The following SORCS3 variants were observed in gnomAD, a reference collection of about 807,000 sequenced individuals.
SORCS3 encodes sortilin related VPS10 domain containing receptor 3.
In SORCS3, 57 loss-of-function variants were observed where a neutral mutation model predicts 146.3. The ratio of observed to expected loss-of-function variants is 0.39; its 90% CI spans 0.31 to 0.49. The LOEUF (loss-of-function observed/expected upper bound fraction) is 0.49. Among genes scored for constraint, SORCS3 ranks in the 20% least tolerant of loss-of-function variants. SORCS3 has a pLI of 0.92. For missense variants in SORCS3, 1,341 were observed against 1,575.5 expected (o/e 0.85, Z 2.52); for synonymous variants, 653 against 618.5 (o/e 1.06, Z -0.83).
At chr10:104,939,115 T>A (rs916327844) in intron 3 of SORCS3, among the ~76,000 whole-genome samples, 1 of 152,194 alleles carries the variant, frequency 6.6e-6, no homozygotes, top group African/African-American at 2.4e-5. Context: ...GTTATACTCT[T>A]CCTCTAGCAC....
At chr10:105,106,849 T>G (rs1029630552) in intron 7 of SORCS3, among the ~76,000 whole-genome samples, 1 of 152,188 alleles carries the variant, frequency 6.6e-6, no homozygotes, top group Non-Finnish European at 1.5e-5. Flanking sequence ...TCTCATTCTC[T>G]TATTCGTAAG....
intron 4 of SORCS3, among the ~76,000 whole-genome samples, chr10:105,023,091 A>T (rs2055207503): frequency 6.6e-6 from 1 of 152,158 alleles, no homozygotes. Flanking sequence ...TTCTGATAGG[A>T]GAATGTGGCT....
chr10:104,855,653 G>T (rs2018322267), intron 2 of SORCS3, among the ~76,000 whole-genome samples: 1 of 152,070 alleles, frequency 6.6e-6, no homozygotes, highest in Non-Finnish European at 1.5e-5. Context: ...AAATGGGATT[G>T]TCTTTTGTGT....
At chr10:105,042,322 C>G (rs1359461479) in intron 4 of SORCS3, among the ~76,000 whole-genome samples, 1 of 152,178 alleles carries the variant, frequency 6.6e-6, no homozygotes, top group Non-Finnish European at 1.5e-5. Context: ...TCCTACCTTC[C>G]TTTCAGGATT....
chr10:104,963,587 A>G (rs781305291), intron 3 of SORCS3, among the ~76,000 whole-genome samples: 4 of 152,194 alleles, frequency 2.6e-5, no homozygotes, highest in Non-Finnish European at 5.9e-5. Flanking sequence ...TGTCATGGTT[A>G]TCTCCAGATT....
intron 7 of SORCS3, among the ~76,000 whole-genome samples, chr10:105,125,250 C>T (rs992520301): frequency 6.6e-6 from 1 of 152,106 alleles, no homozygotes; most frequent in Non-Finnish European, 1.5e-5. Context: ...GGCTAATTTT[C>T]TTTATTATTG....
At chr10:105,055,579 C>T (rs528943988) in intron 5 of SORCS3, among the ~76,000 whole-genome samples, 82 of 152,158 alleles carry the variant, frequency 5.4e-4, no homozygotes, top group African/African-American at 1.9e-3. Context: ...TTAACAAATA[C>T]CAGCTATAAA....
chr10:104,716,144 C>T (rs899543043), intron 1 of SORCS3, among the ~76,000 whole-genome samples: 5 of 152,136 alleles, frequency 3.3e-5, no homozygotes, highest in Non-Finnish European at 7.3e-5. Context: ...AGTCCCCCTT[C>T]CTGCATTATT....
chr10:105,022,228 A>G (rs1056570721), intron 4 of SORCS3, among the ~76,000 whole-genome samples: 2 of 151,746 alleles, frequency 1.3e-5, no homozygotes, highest in African/African-American at 2.4e-5. Context: ...TGTCTCATCA[A>G]TTTTACAAAT....
At chr10:105,189,707 T>A (rs371821943) in intron 14 of SORCS3, among the ~76,000 whole-genome samples, 2 of 152,146 alleles carry the variant, frequency 1.3e-5, no homozygotes, top group African/African-American at 4.8e-5. Context: ...GTCAAGAGAC[T>A]TGGGTTCCAG....
At chr10:105,000,336 ATGTGTGTGTG>A (rs60887637) in intron 4 of SORCS3, among the ~76,000 whole-genome samples, 1 of 149,336 alleles carries the variant, frequency 6.7e-6, no homozygotes, top group Non-Finnish European at 1.5e-5. Context: ...ACGTGTGTTC[ATGTGTGTGTG>A]TGTGTGTGTG....
At chr10:104,911,770 T>C (rs2018971122) in intron 2 of SORCS3, among the ~76,000 whole-genome samples, 1 of 152,206 alleles carries the variant, frequency 6.6e-6, no homozygotes, top group Admixed American at 6.5e-5. Context: ...GAGCTCTTTT[T>C]TTAACTAGGC....
chr10:105,081,111 G>A (rs960296164), intron 5 of SORCS3, among the ~76,000 whole-genome samples: 14 of 151,906 alleles, frequency 9.2e-5, no homozygotes, highest in African/African-American at 2.2e-4. Flanking sequence ...ATGATTTGTC[G>A]GTTAAAATAA....
intron 2 of SORCS3, among the ~76,000 whole-genome samples, chr10:104,912,267 C>T (rs2018976717): frequency 2.6e-5 from 4 of 152,176 alleles, no homozygotes; most frequent in Admixed American, 2.6e-4. Context: ...AATGTTCTTT[C>T]TCCACACCAT....
intron 7 of SORCS3, among the ~76,000 whole-genome samples, chr10:105,130,061 T>C (rs1335155446): frequency 6.6e-6 from 1 of 152,188 alleles, no homozygotes; most frequent in East Asian, 1.9e-4. Flanking sequence ...TCAGATAATA[T>C]GCATTGAGTA....
At chr10:105,227,158 C>T (rs1196827421) in intron 20 of SORCS3, among the ~76,000 whole-genome samples, 1 of 151,772 alleles carries the variant, frequency 6.6e-6, no homozygotes, top group Non-Finnish European at 1.5e-5. Context: ...TATTTGAAAT[C>T]CTTCTGCTTT....
chr10:105,043,106 A>G lies in SORCS3; in HGVS notation c.1006A>G (p.Ile336Val). 1 of 1,613,860 alleles carries G rather than the reference A, an allele frequency of 6.2e-7. No homozygotes were observed. Among genetic ancestry groups the G allele is most frequent in the Non-Finnish European group, 8.5e-7 (1 of 1,179,802 alleles). The change falls in exon 5 of 27, where the codon ATC becomes GTC. Residue 336 changes from isoleucine to valine, a missense_variant. Coordinates refer to ENST00000369701, the MANE Select transcript of SORCS3 (RefSeq NM_014978.3). ...GRRWQLMHER[I>V]TPNRFYWSVA... ...ACGGTGGCAACTCATGCATGAACGC[A>G]TCACACCCAACAGGTTTTATTGGTA... is the stretch of plus-strand genomic sequence containing the variant.
At chr10:105,175,681 G>A (rs2056395868) in intron 13 of SORCS3, among the ~76,000 whole-genome samples, 1 of 152,130 alleles carries the variant, frequency 6.6e-6, no homozygotes, top group Non-Finnish European at 1.5e-5. Context: ...ATTTAGATAT[G>A]CCCAACTTTC....
chr10:105,221,774 G>A lies in SORCS3; in HGVS notation c.2735-1342G>A, dbSNP rs144148133. On this transcript the variant is annotated intron_variant, in intron 19 of 26. Coordinates refer to ENST00000369701, the MANE Select transcript of SORCS3 (RefSeq NM_014978.3). ...GCTACAGTTGTGGCTTAAGAACTTC[G>A]TATAGAAATCTCTTCAATTACTTGT... Among the ~76,000 whole-genome samples, 26 of 152,270 alleles carry A rather than the reference G, an allele frequency of 1.7e-4. No homozygotes were observed. The East Asian group carries it at 4.6e-3, about 27-fold the overall frequency.
Sources: allele counts gnomAD v4.1 joint callset (sites outside exome capture counted in the v4.1 genomes callset), GRCh38; gene constraint gnomAD v4.1.1; transcripts MANE v1.5; gene names NCBI Gene and HGNC (gene_info 2026-07-23, HGNC 2026-07-21).